The following LDAH variants were observed in gnomAD, a reference collection of about 807,000 sequenced individuals.
The protein encoded by LDAH is lipid droplet-associated hydrolase.
A neutral mutation model predicts 29.6 loss-of-function variants in LDAH; 26 were observed. The ratio of observed to expected loss-of-function variants is 0.88; its 90% CI spans 0.64 to 1.22. The LOEUF is 1.22. Ranked by LOEUF, LDAH falls within the 50% of genes most tolerant of loss-of-function variation. The pLI is 0.00. For missense variants in LDAH, 344 were observed against 387.3 expected (o/e 0.89, Z 0.94); for synonymous variants, 117 against 133.0 (o/e 0.88, Z 0.83).
chr2:20,812,980 C>A (rs148973672), intron 1 of LDAH, among the ~76,000 whole-genome samples: 2 of 152,184 alleles, frequency 1.3e-5, no homozygotes, highest in Non-Finnish European at 2.9e-5. Flanking sequence ...AAAGACATTA[C>A]GCAATTTGCC....
intron 4 of LDAH, among the ~76,000 whole-genome samples, chr2:20,740,863 G>T (rs1019941031): frequency 2.0e-5 from 3 of 152,168 alleles, no homozygotes; most frequent in African/African-American, 7.2e-5. Flanking sequence ...CAAGGTGGTT[G>T]TACTATTTTG....
intron 6 of LDAH, among the ~76,000 whole-genome samples, chr2:20,697,213 T>C (rs962010753): frequency 6.6e-6 from 1 of 152,202 alleles, no homozygotes; most frequent in East Asian, 1.9e-4. Context: ...TCTTCCCATA[T>C]TCCCTGTCTT....
At chr2:20,742,660 T>A (rs981600226) in intron 4 of LDAH, among the ~76,000 whole-genome samples, 1 of 152,194 alleles carries the variant, frequency 6.6e-6, no homozygotes, top group East Asian at 1.9e-4. Context: ...TTTTTCTCCA[T>A]CCATTTACTT....
chr2:20,683,058 A>G (rs1662359436), downstream of LDAH, among the ~76,000 whole-genome samples: 1 of 152,194 alleles, frequency 6.6e-6, no homozygotes, highest in Admixed American at 6.5e-5. Flanking sequence ...TTGTCTTTAT[A>G]GAACCCTTTA....
chr2:20,728,323 G>T (rs1666156598), intron 5 of LDAH, among the ~76,000 whole-genome samples: 1 of 152,196 alleles, frequency 6.6e-6, no homozygotes, highest in Non-Finnish European at 1.5e-5. Flanking sequence ...GTCTGTGGGG[G>T]CCAGGGGGAA....
intron 5 of LDAH, among the ~76,000 whole-genome samples, chr2:20,708,032 T>C (rs1664439679): frequency 6.6e-6 from 1 of 152,212 alleles, no homozygotes; most frequent in African/African-American, 2.4e-5. Flanking sequence ...CACCCTCAGA[T>C]GGGATTGTCT....
chr2:20,809,804 A>G (rs1451203894), intron 1 of LDAH, among the ~76,000 whole-genome samples: 2 of 152,204 alleles, frequency 1.3e-5, no homozygotes, highest in Non-Finnish European at 2.9e-5. Flanking sequence ...TTCAGGGAGG[A>G]GACTGATTTG....
At chr2:20,714,151 T>C (rs1664981828) in intron 5 of LDAH, among the ~76,000 whole-genome samples, 1 of 152,068 alleles carries the variant, frequency 6.6e-6, no homozygotes. Context: ...CCTCAGCAAA[T>C]GTAAAAGAAT....
chr2:20,749,031 ATTCATTTG>A lies in LDAH; in HGVS notation c.469-8834_469-8827del, dbSNP rs1391156025. Among the ~76,000 whole-genome samples, 15 of 152,258 alleles carry A rather than the reference ATTCATTTG, an allele frequency of 9.9e-5. 2 individuals are homozygous for A. The East Asian group carries it at 1.5e-3, about 16-fold the overall frequency. Reference sequence around the variant, plus strand: ...CATTCCTTAGATCTACTGGTTGTTCATTCATTTGTTCATTTGTTCATTCATGAAGATAT... The same window carrying A: ...CATTCCTTAGATCTACTGGTTGTTCATTCATTTGTTCATTCATGAAGATAT... On this transcript the variant is annotated intron_variant, in intron 4 of 6. Transcript: ENST00000237822.
intron 5 of LDAH, among the ~76,000 whole-genome samples, chr2:20,702,109 C>T (rs1056282632): frequency 6.6e-6 from 1 of 150,882 alleles, no homozygotes; most frequent in African/African-American, 2.4e-5. Flanking sequence ...TTTAAAAATA[C>T]GTTTAAAGTT....
rs1662586482 is a variant in LDAH, at chr2:20,686,748, C to G, written c.*155G>C. ...ATTCATCAACTGTGTTTACTTCAGC[C>G]TATAACATGGCGAGCGGAGAGTTGG... On this transcript the variant is annotated 3_prime_UTR_variant, in exon 7 of 7. Transcript: ENST00000237822. 1 of 645,342 alleles carries G rather than the reference C, an allele frequency of 1.5e-6. No individual in the cohort carries two copies. The highest frequency in any genetic ancestry group is 1.8e-5 in the African/African-American group (1 of 54,408). The allele number at this position is 645,342 out of a possible 1,614,324, so 40.0% of individuals were successfully genotyped here.
chr2:20,703,909 A>C (rs1296695791), intron 5 of LDAH, among the ~76,000 whole-genome samples: 1 of 152,262 alleles, frequency 6.6e-6, no homozygotes, highest in Admixed American at 6.5e-5. Context: ...AACAAGACAG[A>C]AACACTATTC....
At chr2:20,689,012 C>A (rs1274028333) in intron 6 of LDAH, among the ~76,000 whole-genome samples, 2 of 151,790 alleles carry the variant, frequency 1.3e-5, no homozygotes, top group Non-Finnish European at 2.9e-5. Context: ...TAACAGGCCC[C>A]GGTGTGTGAT....
intron 4 of LDAH, among the ~76,000 whole-genome samples, chr2:20,740,962 C>T (rs1293268776): frequency 3.3e-5 from 5 of 152,138 alleles, no homozygotes; most frequent in African/African-American, 4.8e-5. Flanking sequence ...TGAATTTTGG[C>T]CATTCTAACA....
chr2:20,818,318 A>C (rs1672996568), intron 1 of LDAH, among the ~76,000 whole-genome samples: 1 of 152,166 alleles, frequency 6.6e-6, no homozygotes, highest in African/African-American at 2.4e-5. Flanking sequence ...TATGTATTTA[A>C]TTGCAACTGG....
chr2:20,812,795 A>G (rs1247783282), intron 1 of LDAH, among the ~76,000 whole-genome samples: 1 of 152,236 alleles, frequency 6.6e-6, no homozygotes, highest in African/African-American at 2.4e-5. Flanking sequence ...AATGTCCAAG[A>G]GCGTAAGAAC....
chr2:20,817,880 C>T (rs925447237), intron 1 of LDAH, among the ~76,000 whole-genome samples: 7 of 151,892 alleles, frequency 4.6e-5, no homozygotes, highest in Admixed American at 6.6e-5. Flanking sequence ...AAGTTACATA[C>T]GGTATGAGTC....
At chr2:20,760,996 T>C (rs940189678) in intron 4 of LDAH, among the ~76,000 whole-genome samples, 1 of 152,214 alleles carries the variant, frequency 6.6e-6, no homozygotes, top group African/African-American at 2.4e-5. Context: ...GTACAAACAT[T>C]TGTGCTATCC....
intron 5 of LDAH, among the ~76,000 whole-genome samples, chr2:20,723,136 G>A (rs1002634597): frequency 6.6e-6 from 1 of 152,180 alleles, no homozygotes; most frequent in African/African-American, 2.4e-5. Context: ...ACACTGTAGT[G>A]CATTCATCCA....
Sources: allele counts gnomAD v4.1 joint callset (sites outside exome capture counted in the v4.1 genomes callset), GRCh38; gene constraint gnomAD v4.1.1; transcripts MANE v1.5; gene names NCBI Gene and HGNC (gene_info 2026-07-23, HGNC 2026-07-21).